The following GRAMD4 variants were observed in gnomAD, a reference collection of about 807,000 sequenced individuals.
GRAMD4 encodes GRAM domain containing 4.
GRAMD4 carries 25 observed loss-of-function variants against 83.9 expected under a neutral mutation model. The ratio of observed to expected loss-of-function variants is 0.30; its 90% CI spans 0.22 to 0.42. GRAMD4 has a LOEUF of 0.42. Among genes scored for constraint, GRAMD4 ranks in the 10% least tolerant of loss-of-function variants. The probability of loss-of-function intolerance (pLI) is 1.00; values close to 1 mark genes in which losing one functional copy is unlikely to be tolerated. For missense variants in GRAMD4, 593 were observed against 788.7 expected, an observed-to-expected ratio of 0.75 and a Z score of 2.97; for synonymous variants, 336 against 320.9, an observed-to-expected ratio of 1.05 and a Z score of -0.50.
At chr22:46,633,000 G>T (rs1243353716) in intron 2 of GRAMD4, among the ~76,000 whole-genome samples, 1 of 152,172 alleles carries the variant, frequency 6.6e-6, no homozygotes. Context: ...TGGGGATGGG[G>T]ATGTGGAGGG....
At chr22:46,635,542 G>A (rs1489798253) in intron 2 of GRAMD4, among the ~76,000 whole-genome samples, 2 of 67,282 alleles carry the variant, frequency 3.0e-5, no homozygotes, top group African/African-American at 5.8e-5. Context: ...CTCCTGTCCT[G>A]GGAGGCCGTG....
At chr22:46,615,002 T>C (rs2081461040) in intron 1 of GRAMD4, among the ~76,000 whole-genome samples, 2 of 126,776 alleles carry the variant, frequency 1.6e-5, no homozygotes, top group Admixed American at 1.5e-4. Context: ...CCCCCGTGTG[T>C]AGGTTCCCCT....
In GRAMD4 at chr22:46,677,685, G is replaced by A. The variant is rs916176239; in HGVS notation, c.*434G>A. 19 of 988,880 alleles carry A rather than the reference G, an allele frequency of 1.9e-5. No homozygotes were observed. In the East Asian group the frequency reaches 5.6e-4, roughly 29 times the overall value. 61.3% of individuals were successfully genotyped at this position (988,880 alleles called of 1,614,324 possible). On this transcript the variant is annotated 3_prime_UTR_variant, in exon 19 of 19. Transcript: ENST00000406902. ...CACCAAAGCCATAGCTGAAGAGTGCGGGGCCCTTCCTCCTGGGGACAGAAA... is the reference window on the plus strand; with the variant it reads ...CACCAAAGCCATAGCTGAAGAGTGCAGGGCCCTTCCTCCTGGGGACAGAAA...
chr22:46,673,557 C>T (rs989896743), intron 14 of GRAMD4, 113 bp from the exon 15 acceptor site: 21 of 1,328,912 alleles, frequency 1.6e-5, no homozygotes, highest in African/African-American at 5.8e-5. Context: ...ACCTCGGGAA[C>T]GTCTTCCCAA....
At chr22:46,647,644 T>G (rs1360828637) in intron 3 of GRAMD4, among the ~76,000 whole-genome samples, 1 of 152,236 alleles carries the variant, frequency 6.6e-6, no homozygotes, top group African/African-American at 2.4e-5. Flanking sequence ...ATGATGCCTG[T>G]GTTGAATTCC....
chr22:46,661,274 G>A (rs1180405153), intron 4 of GRAMD4, 107 bp from the exon 5 acceptor site: 5 of 797,692 alleles, frequency 6.3e-6, no homozygotes, highest in Non-Finnish European at 1.1e-5. Context: ...TGCTGTCCCT[G>A]ACCTCTCCTG....
chr22:46,673,501 T>C (rs888103450), intron 14 of GRAMD4, among the ~76,000 whole-genome samples, 169 bp from the exon 15 acceptor site: 1 of 152,174 alleles, frequency 6.6e-6, no homozygotes, highest in African/African-American at 2.4e-5. Flanking sequence ...CCCACTGAGG[T>C]GAGGTGGCCC....
intron 3 of GRAMD4, among the ~76,000 whole-genome samples, chr22:46,653,413 G>A (rs530666927): frequency 1.2e-4 from 18 of 152,286 alleles, no homozygotes; most frequent in African/African-American, 3.4e-4. Context: ...AAAGAGGGGC[G>A]GCTGCCTGAG....
chr22:46,640,558 T>C (rs1461186088), intron 3 of GRAMD4, among the ~76,000 whole-genome samples: 1 of 152,168 alleles, frequency 6.6e-6, no homozygotes, highest in African/African-American at 2.4e-5. Flanking sequence ...TCCTCAGCAT[T>C]TGCCAAAGGA....
At chr22:46,632,724 G>A (rs2081794232) in intron 2 of GRAMD4, among the ~76,000 whole-genome samples, 1 of 152,234 alleles carries the variant, frequency 6.6e-6, no homozygotes, top group Non-Finnish European at 1.5e-5. Context: ...GTATCCAGGT[G>A]GCTCTCATCT....
chr22:46,610,473 G>A (rs975342604), intron 1 of GRAMD4, among the ~76,000 whole-genome samples: 3 of 152,252 alleles, frequency 2.0e-5, no homozygotes, highest in African/African-American at 4.8e-5. Context: ...AGCAGAGTTG[G>A]GAAGTTGTAG....
chr22:46,612,016 A>AAAAG (rs386395617), intron 1 of GRAMD4, among the ~76,000 whole-genome samples: 1 of 150,318 alleles, frequency 6.7e-6, no homozygotes, highest in Non-Finnish European at 1.5e-5. Context: ...AAAAAAAAAA[A>AAAAG]AAGAAGAGAC....
chr22:46,585,194 T>C lies in GRAMD4; in HGVS notation c.-50+7904T>C, dbSNP rs1186895761. ...GGAGCCTGTCTTTTTTCTTTCTTTCTTTTTTTTTTTTTTTAGATGGAGTTT... is the reference window on the plus strand; with the variant it reads ...GGAGCCTGTCTTTTTTCTTTCTTTCCTTTTTTTTTTTTTTAGATGGAGTTT... On this transcript the variant is annotated intron_variant, in intron 1 of 1. Transcript: ENST00000431155. 1.8e-4 allele frequency among the ~76,000 whole-genome samples: 18 copies of C among 98,634 alleles called. No individual in the cohort carries two copies. The South Asian group carries it at 0.012, about 67-fold the overall frequency. 64.7% of individuals were successfully genotyped at this position (98,634 alleles called of 152,430 possible). A position where few individuals can be genotyped will look rare whatever the true frequency, so the allele number is the denominator to read the frequency against.
chr22:46,605,925 T>C (rs2081361571), intron 1 of GRAMD4, among the ~76,000 whole-genome samples: 2 of 132,238 alleles, frequency 1.5e-5, no homozygotes, highest in African/African-American at 2.8e-5. Flanking sequence ...GGTTTATTCC[T>C]GGTGCTGAGC....
chr22:46,667,041 G>A (rs2082420932), intron 10 of GRAMD4, among the ~76,000 whole-genome samples, 168 bp downstream of exon 10: 1 of 152,172 alleles, frequency 6.6e-6, no homozygotes, highest in Non-Finnish European at 1.5e-5. Flanking sequence ...CCCCTCCCTA[G>A]CCCCAAGGCC....
intron 3 of GRAMD4, among the ~76,000 whole-genome samples, chr22:46,650,640 C>T (rs2147289068): frequency 6.6e-6 from 1 of 152,360 alleles, no homozygotes; most frequent in East Asian, 1.9e-4. Context: ...AAGGCTGGAG[C>T]AGGTGGGTGC....
intron 3 of GRAMD4, among the ~76,000 whole-genome samples, chr22:46,648,774 G>A (rs1479734292): frequency 8.4e-6 from 1 of 118,956 alleles, no homozygotes; most frequent in Non-Finnish European, 1.8e-5. Flanking sequence ...ATGCATGGAT[G>A]GATGGATGGA....
intron 1 of GRAMD4, among the ~76,000 whole-genome samples, chr22:46,583,235 T>TA (rs933059611): frequency 2.0e-5 from 3 of 152,242 alleles, no homozygotes; most frequent in South Asian, 2.1e-4. Context: ...ACTCTATTTT[T>TA]AAAAAACTGT....
chr22:46,607,473 G>A (rs1455812422), intron 1 of GRAMD4, among the ~76,000 whole-genome samples: 1 of 152,172 alleles, frequency 6.6e-6, no homozygotes, highest in Non-Finnish European at 1.5e-5. Flanking sequence ...ATTGAGTCAG[G>A]TGCGGCCAGG....
Sources: gnomAD v4.1 joint callset for allele counts (sites outside exome capture counted in the v4.1 genomes callset) on GRCh38, gnomAD v4.1.1 for gene constraint, MANE v1.5 for transcripts, NCBI Gene and HGNC (gene_info 2026-07-23, HGNC 2026-07-21) for gene names.